LINGO2: variants seen among roughly 807,000 people sequenced by gnomAD.
LINGO2 encodes the protein leucine rich repeat and Ig domain containing 2, also known as leucine-rich repeat and immunoglobulin-like domain-containing nogo receptor-interacting protein 2.
In LINGO2, 14 loss-of-function variants were observed where a neutral mutation model predicts 30.6. The ratio of observed to expected loss-of-function variants is 0.46; its 90% confidence interval spans 0.30 to 0.72. The LOEUF (loss-of-function observed/expected upper bound fraction) is 0.72, where lower values mean the gene tolerates loss of function less well. Ranked by LOEUF, LINGO2 falls within the 30% of genes least tolerant of loss-of-function variation. LINGO2 has a pLI of 0.07. For synonymous variants in LINGO2, 317 were observed against 288.5 expected (o/e 1.10, Z -1.00); for missense variants, 729 against 751.7 (o/e 0.97, Z 0.35).
chr9:28,192,548 A>G (rs947469606), intron 4 of LINGO2, among the ~76,000 whole-genome samples: 1 of 151,954 alleles, frequency 6.6e-6, no homozygotes, highest in Non-Finnish European at 1.5e-5. Flanking sequence ...TGATTGTGAT[A>G]TGCTATAACC....
chr9:28,334,247 A>G (rs912266206), intron 3 of LINGO2, among the ~76,000 whole-genome samples: 2 of 152,152 alleles, frequency 1.3e-5, no homozygotes, highest in African/African-American at 4.8e-5. Flanking sequence ...ATACATGAGG[A>G]AAAAAGGTAC....
intron 4 of LINGO2, among the ~76,000 whole-genome samples, chr9:28,245,735 AGG>A (rs59244217): frequency 0.14 from 20,536 of 152,108 alleles, 1,562 homozygotes; most frequent in African/African-American, 0.2. Context: ...ATAGCTAAGA[AGG>A]GATGTGGAGA....
chr9:28,020,621 G>A (rs1823070630), intron 4 of LINGO2, among the ~76,000 whole-genome samples: 1 of 152,144 alleles, frequency 6.6e-6, no homozygotes, highest in South Asian at 2.1e-4. Context: ...AGGAGACTGT[G>A]GAAAATTAGC....
the LINGO2 span, among the ~76,000 whole-genome samples, chr9:28,776,022 AG>A: frequency 2.3e-4 from 35 of 152,332 alleles, 1 homozygote; most frequent in South Asian, 6.2e-3. Flanking sequence ...GCAAGCACTC[AG>A]AGTGTGTGTT....
chr9:28,990,094 G>A, the LINGO2 span, among the ~76,000 whole-genome samples: 1 of 152,208 alleles, frequency 6.6e-6, no homozygotes, highest in African/African-American at 2.4e-5. Context: ...GTGAGGCATT[G>A]CCTCACTGGG....
chr9:28,930,806 C>G, the LINGO2 span, among the ~76,000 whole-genome samples: 2 of 152,164 alleles, frequency 1.3e-5, no homozygotes, highest in Non-Finnish European at 2.9e-5. This position sits in a 1 kb window ranked among gnomAD's most constrained non-coding sequence, Gnocchi z 4.2. Flanking sequence ...TTAAGACTGA[C>G]CATTAGCCCA....
the LINGO2 span, among the ~76,000 whole-genome samples, chr9:28,813,800 A>T: frequency 6.6e-6 from 1 of 152,196 alleles, no homozygotes; most frequent in East Asian, 1.9e-4. Context: ...GTGAGTTGAA[A>T]CATAAAAAAT....
At chr9:28,711,586 T>C in the LINGO2 span, among the ~76,000 whole-genome samples, 3 of 152,106 alleles carry the variant, frequency 2.0e-5, no homozygotes, top group Admixed American at 1.3e-4. Flanking sequence ...GAAATTAATA[T>C]AAAAAGATGC....
In LINGO2 at chr9:28,582,130, T is replaced by C. The variant is rs896136435; in HGVS notation, c.-365+88070A>G. ...TTTTTATTGATAAATTATTTTAAAA[T>C]GGCTATTTCTCAAGGTGCTTAAATG... On this transcript the variant is annotated intron_variant, in intron 1 of 5. Transcript: ENST00000379992. Among the ~76,000 whole-genome samples, 19 of 152,010 alleles carry C rather than the reference T, an allele frequency of 1.2e-4. 1 individual carries two copies. Among genetic ancestry groups the C allele is most frequent in the African/African-American group, 4.1e-4 (17 of 41,432 alleles).
chr9:28,985,724 G>A, the LINGO2 span, among the ~76,000 whole-genome samples: 33 of 151,890 alleles, frequency 2.2e-4, no homozygotes, highest in South Asian at 3.1e-3. Context: ...TTATTTTCTC[G>A]CTATTGAATT....
chr9:28,083,515 G>T (rs916986965), intron 4 of LINGO2, among the ~76,000 whole-genome samples: 1 of 152,130 alleles, frequency 6.6e-6, no homozygotes, highest in African/African-American at 2.4e-5. Flanking sequence ...ACATTTTACA[G>T]TTTCCTCTGT....
At chr9:28,835,216 T>G in the LINGO2 span, among the ~76,000 whole-genome samples, 1 of 152,148 alleles carries the variant, frequency 6.6e-6, no homozygotes, top group African/African-American at 2.4e-5. Flanking sequence ...AACAAAAGAT[T>G]CTTGATATAT....
At chr9:28,169,570 A>G (rs1828524274) in intron 4 of LINGO2, among the ~76,000 whole-genome samples, 2 of 152,246 alleles carry the variant, frequency 1.3e-5, no homozygotes, top group African/African-American at 4.8e-5. Context: ...TTATGTGCCC[A>G]GACACTGTTC....
chr9:28,131,412 C>T (rs2133444833), intron 4 of LINGO2, among the ~76,000 whole-genome samples: 1 of 152,228 alleles, frequency 6.6e-6, no homozygotes, highest in Non-Finnish European at 1.5e-5. Context: ...TTGCACTTGG[C>T]TTATCACTGG....
At chr9:27,984,650 T>C (rs994426959) in intron 5 of LINGO2, among the ~76,000 whole-genome samples, 1 of 151,800 alleles carries the variant, frequency 6.6e-6, no homozygotes, top group Non-Finnish European at 1.5e-5. Context: ...ATTTAATTCA[T>C]TTTGTGTTCC....
At chr9:28,939,497 C>T in the LINGO2 span, among the ~76,000 whole-genome samples, 1 of 152,122 alleles carries the variant, frequency 6.6e-6, no homozygotes, top group Non-Finnish European at 1.5e-5. Flanking sequence ...GCTTTAAACT[C>T]TTTCTGCTGC....
intron 1 of LINGO2, among the ~76,000 whole-genome samples, chr9:28,538,318 A>T (rs7468313): frequency 0.54 from 82,597 of 151,850 alleles, 23,974 homozygotes; most frequent in African/African-American, 0.75. Context: ...TTCTGACGTC[A>T]TAAATTCAAA....
chr9:28,048,958 T>A (rs1229735540), intron 4 of LINGO2, among the ~76,000 whole-genome samples: 2 of 151,022 alleles, frequency 1.3e-5, no homozygotes, highest in East Asian at 2.0e-4. Flanking sequence ...ATGTGAAATA[T>A]AAAAGGCAAA....
chr9:28,785,688 A>G, the LINGO2 span, among the ~76,000 whole-genome samples: 2 of 36,018 alleles, frequency 5.6e-5, no homozygotes, highest in Non-Finnish European at 8.2e-5. Context: ...ACACACACGC[A>G]CACACACACA....
Sources: gnomAD v4.1 joint callset for allele counts (sites outside exome capture counted in the v4.1 genomes callset) on GRCh38, gnomAD v4.1.1 for gene constraint, Gnocchi (gnomAD v3.1) non-coding constraint, MANE v1.5 for transcripts, NCBI Gene and HGNC (gene_info 2026-07-23, HGNC 2026-07-21) for gene names.